ADAMTSL1: variants seen among roughly 807,000 people sequenced by gnomAD.
ADAMTSL1 encodes ADAMTS like 1, also known as ADAMTS-like protein 1.
ADAMTSL1 carries 126 observed loss-of-function variants against 201.8 expected under a neutral mutation model. The ratio of observed to expected loss-of-function variants is 0.62; its 90% CI spans 0.54 to 0.72. The LOEUF (loss-of-function observed/expected upper bound fraction) is 0.72, where lower values mean the gene tolerates loss of function less well. Among genes scored for constraint, ADAMTSL1 ranks in the 30% least tolerant of loss-of-function variants. The probability of loss-of-function intolerance (pLI) is 0.00; values close to 1 mark genes in which losing one functional copy is unlikely to be tolerated. For synonymous variants in ADAMTSL1, 1,121 were observed against 903.4 expected, an observed-to-expected ratio of 1.24 and a Z score of -4.32; for missense variants, 2,679 against 2,277.8, an observed-to-expected ratio of 1.18 and a Z score of -3.59.
intron 1 of ADAMTSL1, among the ~76,000 whole-genome samples, chr9:18,045,093 T>A (rs1821603751): frequency 6.6e-6 from 1 of 152,162 alleles, no homozygotes; most frequent in African/African-American, 2.4e-5. Context: ...GTGACTTCCA[T>A]GACCTCTCTG....
At chr9:18,629,973 A>G (rs1735453873) in intron 5 of ADAMTSL1, among the ~76,000 whole-genome samples, 2 of 132,586 alleles carry the variant, frequency 1.5e-5, no homozygotes, top group African/African-American at 3.3e-5. Flanking sequence ...TCACTTTAAT[A>G]TGTGCTGTTT....
rs114019131 is a variant in ADAMTSL1 at position 18,237,319 on chromosome 9, G to A, written c.207+73338G>A. 5.5e-3 allele frequency among the ~76,000 whole-genome samples: 843 copies of A among 152,294 alleles called. 4 individuals are homozygous for A. The highest frequency in any genetic ancestry group is 0.019 in the African/African-American group (806 of 41,558). On this transcript the variant is annotated intron_variant, in intron 2 of 29. Coordinates refer to the ADAMTSL1 transcript ENST00000680146. ...TCAGGAGGAAGAACATGACAGTGAT[G>A]TTTACAGATACACAGGGGCACTGTG...
intron 5 of ADAMTSL1, among the ~76,000 whole-genome samples, chr9:18,632,835 T>G (rs1826863094): frequency 6.6e-6 from 1 of 152,126 alleles, no homozygotes; most frequent in Non-Finnish European, 1.5e-5. Context: ...CAGCCTGACT[T>G]GCTTCATTTC....
At chr9:18,707,597 A>C (rs1832303547) in intron 14 of ADAMTSL1, among the ~76,000 whole-genome samples, 1 of 152,214 alleles carries the variant, frequency 6.6e-6, no homozygotes, top group Non-Finnish European at 1.5e-5. Context: ...TGAGAAAACT[A>C]AGAATCAAAG....
At chr9:18,588,687 T>C (rs1457221107) in intron 4 of ADAMTSL1, among the ~76,000 whole-genome samples, 1 of 151,732 alleles carries the variant, frequency 6.6e-6, no homozygotes, top group Non-Finnish European at 1.5e-5. Context: ...ATATCCAGTT[T>C]TCCCAGAACC....
chr9:18,025,471 A>G (rs1249138945), intron 1 of ADAMTSL1, among the ~76,000 whole-genome samples: 5 of 152,024 alleles, frequency 3.3e-5, no homozygotes, highest in Non-Finnish European at 7.4e-5. Context: ...TCTTCTGTGT[A>G]TGGTTAGCCA....
intron 2 of ADAMTSL1, among the ~76,000 whole-genome samples, chr9:18,255,721 T>C (rs187021809): frequency 2.6e-4 from 39 of 152,286 alleles, no homozygotes; most frequent in Non-Finnish European, 3.7e-4. Flanking sequence ...TGTTATTAAA[T>C]CTTATTTATT....
At position 18,025,415 on chromosome 9, in the gene ADAMTSL1, T is replaced by C. The variant is rs116729722; in HGVS notation, c.87+118493T>C. Among the ~76,000 whole-genome samples, 1,215 of 152,258 alleles carry C rather than the reference T, an allele frequency of 8.0e-3. 14 individuals carry two copies. The highest frequency in any genetic ancestry group is 0.028 in the African/African-American group (1,170 of 41,550). ...CTTACATTTAAGTCTTTAATTCATT[T>C]TGAGTTAATTTTTGTATATGGTGAT... On this transcript the variant is annotated intron_variant, in intron 1 of 29. Coordinates refer to the ADAMTSL1 transcript ENST00000680146.
At chr9:18,374,622 C>T (rs183913936) in intron 2 of ADAMTSL1, among the ~76,000 whole-genome samples, 10 of 152,294 alleles carry the variant, frequency 6.6e-5, no homozygotes, top group Admixed American at 5.9e-4. Context: ...GCATGAGTTA[C>T]CACGCTTGGC....
At chr9:18,154,262 A>G (rs1448697482) in intron 1 of ADAMTSL1, among the ~76,000 whole-genome samples, 1 of 152,088 alleles carries the variant, frequency 6.6e-6, no homozygotes, top group African/African-American at 2.4e-5. Context: ...AGTGGTTTAA[A>G]ACAGTATTAT....
At chr9:18,218,031 G>C (rs1830117411) in intron 2 of ADAMTSL1, among the ~76,000 whole-genome samples, 1 of 152,032 alleles carries the variant, frequency 6.6e-6, no homozygotes, top group Non-Finnish European at 1.5e-5. Flanking sequence ...GTGGAAGCAG[G>C]AATATATTTT....
chr9:18,699,492 C>T (rs1452531300), intron 13 of ADAMTSL1, among the ~76,000 whole-genome samples: 5 of 151,784 alleles, frequency 3.3e-5, no homozygotes, highest in African/African-American at 9.7e-5. Context: ...ACTCAGCTAA[C>T]TTATTATAAT....
chr9:18,096,558 A>G (rs765445989), intron 1 of ADAMTSL1, among the ~76,000 whole-genome samples: 2 of 152,234 alleles, frequency 1.3e-5, no homozygotes, highest in Non-Finnish European at 2.9e-5. Context: ...TGTTTTGGTT[A>G]CGTGAAGCAT....
At chr9:18,176,007 C>G (rs1488354758) in intron 2 of ADAMTSL1, among the ~76,000 whole-genome samples, 1 of 62,578 alleles carries the variant, frequency 1.6e-5, no homozygotes, top group Non-Finnish European at 2.9e-5. Flanking sequence ...AGAGGGAAAG[C>G]AAAAAAAAAA....
chr9:18,219,429 C>T (rs1830174257), intron 2 of ADAMTSL1, among the ~76,000 whole-genome samples: 1 of 151,778 alleles, frequency 6.6e-6, no homozygotes, highest in South Asian at 2.1e-4. Flanking sequence ...AGTGCAGTGG[C>T]ACAACCTCGG....
At chr9:18,523,019 G>A (rs1006824700) in intron 2 of ADAMTSL1, among the ~76,000 whole-genome samples, 5 of 152,176 alleles carry the variant, frequency 3.3e-5, no homozygotes, top group Non-Finnish European at 5.9e-5. Context: ...TCGCCACACT[G>A]TCTTCCACAA....
At chr9:18,735,687 C>T (rs920934951) in intron 15 of ADAMTSL1, among the ~76,000 whole-genome samples, 2 of 151,606 alleles carry the variant, frequency 1.3e-5, no homozygotes, top group African/African-American at 2.4e-5. Context: ...GGGAGGACAC[C>T]GTAGATCATT....
At chr9:18,246,098 G>A (rs1587389224) in intron 2 of ADAMTSL1, among the ~76,000 whole-genome samples, 1 of 152,008 alleles carries the variant, frequency 6.6e-6, no homozygotes. Context: ...CTGCCCTTGG[G>A]GAAACTATAA....
chr9:18,186,865 A>G (rs1587263919), intron 2 of ADAMTSL1, among the ~76,000 whole-genome samples: 1 of 151,796 alleles, frequency 6.6e-6, no homozygotes, highest in Admixed American at 6.6e-5. Flanking sequence ...ACACACATGC[A>G]CAAACACACA....
Sources: gnomAD v4.1 joint callset for allele counts (sites outside exome capture counted in the v4.1 genomes callset) on GRCh38, gnomAD v4.1.1 for gene constraint, MANE v1.5 for transcripts, NCBI Gene and HGNC (gene_info 2026-07-23, HGNC 2026-07-21) for gene names.